PEX5L: variants seen among roughly 807,000 people sequenced by gnomAD.
PEX5L encodes the protein peroxisomal biogenesis factor 5 like.
PEX5L carries 30 observed loss-of-function variants against 84.0 expected under a neutral mutation model. The observed-to-expected ratio is 0.36, with a 90% CI of 0.27 to 0.48. PEX5L has a LOEUF of 0.48. PEX5L is among the 20% of genes least tolerant of loss of function. PEX5L has a pLI of 0.99. For synonymous variants in PEX5L, 270 were observed against 283.1 expected, an observed-to-expected ratio of 0.95 and a Z score of 0.46; for missense variants, 533 against 754.6, an observed-to-expected ratio of 0.71 and a Z score of 3.44.
At chr3:179,955,390 T>G (rs951738512) in intron 2 of PEX5L, among the ~76,000 whole-genome samples, 3 of 151,904 alleles carry the variant, frequency 2.0e-5, no homozygotes, top group African/African-American at 7.2e-5. Context: ...GGCACCTTGC[T>G]GAAGCTAATT....
chr3:180,004,601 GT>G (rs1368738218), intron 1 of PEX5L, among the ~76,000 whole-genome samples: 3 of 152,158 alleles, frequency 2.0e-5, no homozygotes, highest in East Asian at 1.9e-4. Context: ...GTTTTGTTTT[GT>G]TTTGTTTTTT....
chr3:179,971,537 T>G, intron 2 of PEX5L, 57 bp downstream of exon 2: 1 of 1,541,990 alleles, frequency 6.5e-7, no homozygotes, highest in Non-Finnish European at 8.7e-7. Flanking sequence ...CTCAAAAGGC[T>G]TTAGTCATCA....
chr3:179,829,772 C>CTT (rs55899128), intron 8 of PEX5L, among the ~76,000 whole-genome samples: 13 of 120,908 alleles, frequency 1.1e-4, no homozygotes, highest in African/African-American at 2.8e-4. Flanking sequence ...CTTGCTATAT[C>CTT]TTTTTTTTTT....
chr3:179,818,242 T>C (rs1294941625), intron 9 of PEX5L, among the ~76,000 whole-genome samples: 1 of 151,904 alleles, frequency 6.6e-6, no homozygotes, highest in Non-Finnish European at 1.5e-5. Context: ...TACTTATCTA[T>C]ATATAGTTTT....
At chr3:179,980,713 T>C (rs1043730603) in intron 1 of PEX5L, among the ~76,000 whole-genome samples, 5 of 152,148 alleles carry the variant, frequency 3.3e-5, no homozygotes, top group African/African-American at 1.2e-4. Context: ...AGGTGGTTCA[T>C]CCACTGGACA....
chr3:179,808,804 G>T (rs991679953), intron 12 of PEX5L, among the ~76,000 whole-genome samples: 1 of 152,080 alleles, frequency 6.6e-6, no homozygotes, highest in Non-Finnish European at 1.5e-5. Flanking sequence ...TAGGCCGGGC[G>T]TGGTGGCTCA....
At chr3:179,973,126 A>G (rs1193421924) in intron 1 of PEX5L, 1 of 1,217,400 alleles carries the variant, frequency 8.2e-7, no homozygotes, top group Middle Eastern at 2.2e-4. Flanking sequence ...AACACTTAGA[A>G]GTGCCTTTCC....
intron 1 of PEX5L, among the ~76,000 whole-genome samples, chr3:179,992,434 T>C (rs1787467508): frequency 1.3e-5 from 2 of 152,224 alleles, no homozygotes; most frequent in Admixed American, 6.5e-5. Flanking sequence ...TTTATCAGGA[T>C]TAAAAAATCT....
At chr3:179,910,145 C>T (rs1204372267) in intron 2 of PEX5L, among the ~76,000 whole-genome samples, 2 of 152,196 alleles carry the variant, frequency 1.3e-5, no homozygotes, top group Non-Finnish European at 2.9e-5. Context: ...TTCAAAAGGA[C>T]TTCATAGGGA....
At chr3:179,859,439 G>T (rs1479002927) in intron 7 of PEX5L, among the ~76,000 whole-genome samples, 1 of 152,132 alleles carries the variant, frequency 6.6e-6, no homozygotes, top group Non-Finnish European at 1.5e-5. Context: ...TATTTTAATT[G>T]GTCTCGATTC....
At position 179,898,027 on chromosome 3, in the gene PEX5L, T is replaced by C. The variant is rs544387048; in HGVS notation, c.198+115A>G. 4 of 556,880 alleles carry C rather than the reference T, an allele frequency of 7.2e-6. No individual in the cohort carries two copies. In the African/African-American group the frequency reaches 7.6e-5, roughly 11 times the overall value. The allele number at this position is 556,880 out of a possible 1,614,324, so 34.5% of individuals were successfully genotyped here. A position where few individuals can be genotyped will look rare whatever the true frequency, so the allele number is the denominator to read the frequency against. ...ATTTGTATAATTGTTTCATTGAAAC[T>C]GTCTTTAAAAAAATTGGTTCAAGAG... On this transcript the variant is annotated intron_variant, in intron 3 of 14. Transcript: ENST00000467460.
At chr3:179,879,777 G>T (rs1753611942) in intron 5 of PEX5L, 152 bp downstream of exon 5, 1 of 501,958 alleles carries the variant, frequency 2.0e-6, no homozygotes, top group Non-Finnish European at 3.5e-6. Context: ...TACAGTTCAA[G>T]CTCAAAAGAA....
chr3:179,805,697 T>A (rs1721041252), intron 14 of PEX5L, among the ~76,000 whole-genome samples: 1 of 152,184 alleles, frequency 6.6e-6, no homozygotes, highest in African/African-American at 2.4e-5. Flanking sequence ...TATCTGAAAT[T>A]CAAATTTAAG....
intron 1 of PEX5L, among the ~76,000 whole-genome samples, chr3:180,001,287 T>C (rs1358110387): frequency 6.6e-6 from 1 of 150,508 alleles, no homozygotes; most frequent in Non-Finnish European, 1.5e-5. Context: ...CTTATGATCA[T>C]GTGAGTTAAT....
At chr3:179,988,003 G>T (rs1787011017) in intron 1 of PEX5L, among the ~76,000 whole-genome samples, 1 of 152,052 alleles carries the variant, frequency 6.6e-6, no homozygotes, top group Non-Finnish European at 1.5e-5. Flanking sequence ...TCAAAGGCTT[G>T]TACCTTTGAG....
At position 179,801,828 on chromosome 3, in the gene PEX5L, T is replaced by C; in HGVS notation, c.1881A>G (p.Ter627TrpextTer11). 1 of 1,589,216 alleles carries C rather than the reference T, an allele frequency of 6.3e-7. No homozygotes were observed. The highest frequency in any genetic ancestry group is 2.2e-5 in the East Asian group (1 of 44,768). The part of the protein sequence containing the change: ...VLLRAFNLDP[*>W] ...TATTAGTACTGGTATTATTCTTTCT[T>C]CAAGGATCCAAGTTGAAAGCTCTTA... Residue 627 changes from the stop codon to tryptophan (W), a stop_lost, in exon 15 of 15, where the codon TGA becomes TGG. Coordinates refer to ENST00000467460, the MANE Select transcript of PEX5L (RefSeq NM_016559.3).
intron 1 of PEX5L, among the ~76,000 whole-genome samples, chr3:180,029,199 G>C (rs192646256): frequency 4.1e-4 from 62 of 152,116 alleles, no homozygotes; most frequent in African/African-American, 1.3e-3. Flanking sequence ...AGTTTATTTT[G>C]TTATTTTTTA....
rs938106727 is a variant in PEX5L, at chr3:179,972,798, T to G, written c.22-1133A>C. ...TACACATTTTTTTCCCGCAAAAACA[T>G]ATCTCCAATTTTTGTGGGTTTTTTT... On this transcript the variant is annotated intron_variant, in intron 1 of 14. Transcript: ENST00000467460. Among the ~76,000 whole-genome samples the G allele has an allele frequency of 2.6e-5, 4 of 151,926 alleles. No homozygotes were observed. In the East Asian group the frequency reaches 7.7e-4, roughly 29 times the overall value.
At chr3:179,984,792 T>C (rs1345573054) in intron 1 of PEX5L, among the ~76,000 whole-genome samples, 1 of 152,238 alleles carries the variant, frequency 6.6e-6, no homozygotes, top group Non-Finnish European at 1.5e-5. Context: ...ATATCTGAAT[T>C]GTATTTAATG....
Sources: gnomAD v4.1 joint callset for allele counts (sites outside exome capture counted in the v4.1 genomes callset) on GRCh38, gnomAD v4.1.1 for gene constraint, MANE v1.5 for transcripts, NCBI Gene and HGNC (gene_info 2026-07-23, HGNC 2026-07-21) for gene names.